Variants in TRDN observed in about 807,000 individuals in gnomAD.
TRDN encodes triadin in skeletal muscle.
Under a neutral mutation model 149.7 loss-of-function variants are expected in TRDN, and 161 were observed. The ratio of observed to expected loss-of-function variants is 1.08; its 90% confidence interval spans 0.95 to 1.23. TRDN has a LOEUF of 1.23. Ranked by LOEUF, TRDN falls within the 50% of genes most tolerant of loss-of-function variation. The pLI, the probability that TRDN is intolerant of heterozygous loss-of-function variation, is 0.00. For missense variants in TRDN, 896 were observed against 823.5 expected, an observed-to-expected ratio of 1.09 and a Z score of -1.08; for synonymous variants, 294 against 250.5, an observed-to-expected ratio of 1.17 and a Z score of -1.64.
At position 123,365,791 on chromosome 6, in the gene TRDN, C is replaced by T. The variant is rs139235818; in HGVS notation, c.1321+344G>A. ...ATGTGAGTACTTTTAGTTAAAGTTT[C>T]ATTTGTTCGATTCCTAATCTCTTAA... On this transcript the variant is annotated intron_variant, in intron 20 of 40. Coordinates refer to ENST00000334268, the MANE Select transcript of TRDN (RefSeq NM_006073.4). Among the ~76,000 whole-genome samples, 13 of 152,244 alleles carry T rather than the reference C, an allele frequency of 8.5e-5. No homozygotes were observed. The East Asian group carries it at 2.5e-3, about 29-fold the overall frequency.
chr6:123,562,385 G>C (rs1234648112), intron 2 of TRDN, among the ~76,000 whole-genome samples: 1 of 152,186 alleles, frequency 6.6e-6, no homozygotes, highest in Non-Finnish European at 1.5e-5. Flanking sequence ...GTGGCCTTTG[G>C]AGGCAATTAG....
chr6:123,582,765 A>G (rs1437524358), intron 1 of TRDN, among the ~76,000 whole-genome samples: 1 of 152,138 alleles, frequency 6.6e-6, no homozygotes, highest in Admixed American at 6.5e-5. Context: ...TAAGAAAAAT[A>G]AAATGAAATA....
Position 123,553,735 on chromosome 6 carries a change from C to T in TRDN, c.233-5123G>A, listed in dbSNP as rs138238379. Among the ~76,000 whole-genome samples the T allele has an allele frequency of 2.6e-5, 4 of 152,166 alleles. No homozygotes were observed. The East Asian group carries it at 7.7e-4, about 29-fold the overall frequency. On this transcript the variant is annotated intron_variant, in intron 2 of 40. Transcript: ENST00000334268. ...ATGAGAGCCAAGTGAAAAGGGAAAC[C>T]CCTTATAAAACCATCAGATCTCAGG...
Position 123,433,645 on chromosome 6 carries a change from A to C in TRDN, c.1051+4418T>G, listed in dbSNP as rs577651374. Among the ~76,000 whole-genome samples, 10 of 152,300 alleles carry C rather than the reference A, an allele frequency of 6.6e-5. No homozygotes were observed. In the South Asian group the frequency reaches 2.1e-3, roughly 32 times the overall value. ...GTTCTATACAGATAATTCCTGAAAA[A>C]AAAATCCTATTGGAAAGTGTGATAA... On this transcript the variant is annotated intron_variant, in intron 12 of 40. Transcript: ENST00000334268.
At chr6:123,316,297 C>T (rs1484100216) in intron 24 of TRDN, among the ~76,000 whole-genome samples, 160 bp downstream of exon 24, 1 of 151,784 alleles carries the variant, frequency 6.6e-6, no homozygotes. Flanking sequence ...AGTTTTATTG[C>T]TTATTACTTG....
At chr6:123,292,317 C>A (rs976841820) in intron 24 of TRDN, among the ~76,000 whole-genome samples, 2 of 152,034 alleles carry the variant, frequency 1.3e-5, no homozygotes, top group East Asian at 1.9e-4. Flanking sequence ...TGGATCAGAG[C>A]GGAAGTGGGT....
At chr6:123,321,248 C>T (rs1026250204) in intron 23 of TRDN, among the ~76,000 whole-genome samples, 1 of 152,092 alleles carries the variant, frequency 6.6e-6, no homozygotes, top group African/African-American at 2.4e-5. Flanking sequence ...AAACACTACA[C>T]GTGAAGTACT....
intron 19 of TRDN, among the ~76,000 whole-genome samples, chr6:123,375,336 T>A (rs1781466386): frequency 6.6e-6 from 1 of 152,130 alleles, no homozygotes; most frequent in Non-Finnish European, 1.5e-5. Flanking sequence ...CTTATTATAC[T>A]GCAAAATGAG....
chr6:123,446,622 C>G (rs549607044), intron 10 of TRDN, among the ~76,000 whole-genome samples: 1 of 149,580 alleles, frequency 6.7e-6, no homozygotes, highest in Non-Finnish European at 1.5e-5. Context: ...AGAGCTAGGC[C>G]TAGTGAGGCC....
At chr6:123,294,642 G>A (rs559817750) in intron 24 of TRDN, among the ~76,000 whole-genome samples, 2 of 152,220 alleles carry the variant, frequency 1.3e-5, no homozygotes, top group South Asian at 4.2e-4. Flanking sequence ...AACAGGAAGT[G>A]TAGATCAGAC....
chr6:123,405,413 A>T (rs1442900340), intron 12 of TRDN, among the ~76,000 whole-genome samples: 1 of 152,230 alleles, frequency 6.6e-6, no homozygotes, highest in Non-Finnish European at 1.5e-5. Context: ...AATTCCAACT[A>T]ACCCATCTGA....
At chr6:123,592,560 A>G (rs1473266702) in intron 1 of TRDN, among the ~76,000 whole-genome samples, 1 of 152,166 alleles carries the variant, frequency 6.6e-6, no homozygotes, top group Non-Finnish European at 1.5e-5. Context: ...ATCATTTCAA[A>G]TAGCTTATCT....
intron 13 of TRDN, among the ~76,000 whole-genome samples, chr6:123,389,725 C>G (rs192669317): frequency 2.0e-5 from 3 of 152,032 alleles, no homozygotes; most frequent in African/African-American, 7.2e-5. Context: ...TAAGTTAATT[C>G]TACTTTGGGA....
chr6:123,377,795 A>G, intron 17 of TRDN, 53 bp from the exon 18 acceptor site: 1 of 1,609,294 alleles, frequency 6.2e-7, no homozygotes, highest in Non-Finnish European at 8.5e-7. Context: ...ATTCAATTGT[A>G]ATTCAGTATT....
At chr6:123,464,539 T>A (rs962130673) in intron 10 of TRDN, 21 of 1,009,470 alleles carry the variant, frequency 2.1e-5, no homozygotes, top group Non-Finnish European at 2.5e-5. Flanking sequence ...GAGCTCAGAT[T>A]CAAACCCAGC....
intron 1 of TRDN, among the ~76,000 whole-genome samples, chr6:123,617,309 G>A (rs1427176143): frequency 6.6e-6 from 1 of 152,090 alleles, no homozygotes; most frequent in Non-Finnish European, 1.5e-5. Flanking sequence ...ATTGCATGTA[G>A]GTGGCTGAAT....
chr6:123,483,340 GATC>G (rs1419671136), intron 9 of TRDN, among the ~76,000 whole-genome samples: 1 of 151,734 alleles, frequency 6.6e-6, no homozygotes, highest in Non-Finnish European at 1.5e-5. Flanking sequence ...CTGACCTTGT[GATC>G]CACCCGCCTT....
intron 38 of TRDN, among the ~76,000 whole-genome samples, chr6:123,237,292 C>T (rs1775822462): frequency 6.6e-6 from 1 of 152,108 alleles, no homozygotes; most frequent in African/African-American, 2.4e-5. Context: ...CTCTGTCGCC[C>T]AGGCTGGAGT....
chr6:123,495,354 A>T (rs991736556), intron 9 of TRDN, among the ~76,000 whole-genome samples: 1 of 151,784 alleles, frequency 6.6e-6, no homozygotes, highest in Non-Finnish European at 1.5e-5. Flanking sequence ...CCCCGTCTCT[A>T]CTAAAAATAC....
Sources: gnomAD v4.1 joint callset for allele counts (sites outside exome capture counted in the v4.1 genomes callset) on GRCh38, gnomAD v4.1.1 for gene constraint, MANE v1.5 for transcripts, NCBI Gene and HGNC (gene_info 2026-07-23, HGNC 2026-07-21) for gene names.